Variants in ZNF662 observed in about 807,000 individuals in gnomAD.
ZNF662 encodes zinc finger protein 662.
Under a neutral mutation model 12.4 loss-of-function variants are expected in ZNF662, and 14 were observed. That is an observed-to-expected ratio of 1.13 (90% confidence interval 0.75 to 1.77). ZNF662 has a LOEUF of 1.77. ZNF662 is among the 40% of genes most tolerant of loss of function. The probability of loss-of-function intolerance (pLI) is 0.00; values close to 1 mark genes in which losing one functional copy is unlikely to be tolerated. For synonymous variants in ZNF662, 184 were observed against 176.4 expected, an observed-to-expected ratio of 1.04 and a Z score of -0.34; for missense variants, 550 against 515.6, an observed-to-expected ratio of 1.07 and a Z score of -0.65.
In ZNF662 at chr3:42,918,298, A is replaced by G. The variant is rs1234947188; in HGVS notation, c.*2944A>G. Among the ~76,000 whole-genome samples the G allele has an allele frequency of 6.6e-6, 1 of 152,200 alleles. No individual in the cohort carries two copies. The highest frequency in any genetic ancestry group is 1.5e-5 in the Non-Finnish European group (1 of 68,038). ...CACATTGAAAAGTGAGGAGGGCAGA[A>G]TTTATTAAGTGAAAAGGAAAACTCT... On this transcript the variant is annotated 3_prime_UTR_variant, in exon 5 of 5. Transcript: ENST00000440367.
Position 42,913,250 on chromosome 3 carries a change from A to G in ZNF662, c.201A>G (p.Glu67=). The change falls in exon 4 of 5, where the codon GAA becomes GAG. Residue 67 remains glutamate (E), a synonymous_variant. Transcript: ENST00000440367. ...GGATTTCCCATCCTGAGCAGGTGGA[A>G]GAGCCATTAAACCTGAAACTGCAAG... ...PAGISHPEQV[E]EPLNLKLQGE... 1 of 1,614,102 alleles carries G rather than the reference A, an allele frequency of 6.2e-7. No homozygotes were observed. The highest frequency in any genetic ancestry group is 8.5e-7 in the Non-Finnish European group (1 of 1,179,956).
At chr3:42,913,400 A>G (rs2088855512) in intron 4 of ZNF662, 98 bp downstream of exon 4, 1 of 954,706 alleles carries the variant, frequency 1.0e-6, no homozygotes. Flanking sequence ...CATGTTCTAA[A>G]CAAATATGGG....
At position 42,914,624 on chromosome 3, in the gene ZNF662, A is replaced by G. The variant is rs967603364; in HGVS notation, c.551A>G (p.Lys184Arg). 2 of 1,614,104 alleles carry G rather than the reference A, an allele frequency of 1.2e-6. No homozygotes were observed. The highest frequency in any genetic ancestry group is 1.7e-6 in the Non-Finnish European group (2 of 1,180,050). Residue 184 changes from lysine to arginine, a missense_variant, in exon 5 of 5, where the codon AAA (lysine) becomes AGA (arginine). Transcript: ENST00000440367. ...DVNNLLGIHH[K>R]ILNEQIFYIC... ...AATAACCTCCTTGGTATACATCACAAAATTCTAAATGAGCAAATATTCTAT... is the reference window on the plus strand; with the variant it reads ...AATAACCTCCTTGGTATACATCACAGAATTCTAAATGAGCAAATATTCTAT...
chr3:42,912,682 AAT>A (rs1244898051), intron 3 of ZNF662, among the ~76,000 whole-genome samples: 2 of 20,068 alleles, frequency 1.0e-4, no homozygotes, highest in African/African-American at 2.2e-4. Flanking sequence ...TATATATATA[AAT>A]ATATATATAT....
At chr3:42,909,859 A>G (rs2088753964) in intron 3 of ZNF662, among the ~76,000 whole-genome samples, 1 of 148,984 alleles carries the variant, frequency 6.7e-6, no homozygotes. Flanking sequence ...GGCGCTCTTC[A>G]CATCTCAGAT....
intron 3 of ZNF662, among the ~76,000 whole-genome samples, chr3:42,912,584 TAA>T (rs36145539): frequency 1.1e-5 from 1 of 91,228 alleles, no homozygotes; most frequent in Non-Finnish European, 1.9e-5. Flanking sequence ...ATTTTATATA[TAA>T]ATATATTTAT....
In ZNF662 at chr3:42,906,283, C is replaced by T. The variant is rs2088676848; in HGVS notation, c.-94+115C>T. The T allele has an allele frequency of 5.5e-6, 8 of 1,449,578 alleles. No individual in the cohort carries two copies. In the East Asian group the frequency reaches 1.3e-4, roughly 24 times the overall value. 89.8% of individuals were successfully genotyped at this position (1,449,578 alleles called of 1,614,324 possible). On this transcript the variant is annotated intron_variant, in intron 1 of 4. Coordinates refer to ENST00000440367, the MANE Select transcript of ZNF662 (RefSeq NM_207404.4). This position sits in a 1 kb window ranked among gnomAD's most constrained non-coding sequence, Gnocchi z 4.4. ...CAGGCCTGCCCAGGTGCAGAGCGCT[C>T]TTCCGCGACCCCAACAGCCTCTGGT...
chr3:42,914,816 A>C lies in ZNF662; in HGVS notation c.743A>C (p.Tyr248Ser). The C allele has an allele frequency of 6.2e-7, 1 of 1,614,152 alleles. No individual in the cohort carries two copies. Residue 248 changes from tyrosine to serine, a missense_variant, in exon 5 of 5, where the codon TAT (tyrosine) becomes TCT (serine). Tyr to Ser is a moderately radical substitution (Grantham distance 144). Transcript: ENST00000440367. ...HQRIHSGVKPYECQECAKAFV... is the reference protein window; with the variant it reads ...HQRIHSGVKPSECQECAKAFV... The stretch of plus-strand genomic sequence containing the variant: ...AGAATTCACAGTGGGGTGAAACCCT[A>C]TGAATGTCAAGAATGTGCTAAGGCC...
rs2088884187 is a variant in ZNF662 at position 42,915,153 on chromosome 3, T to C, written c.1080T>C (p.His360=). ...HQRVHTGDKP[H]ECTDCGKSFF... ...GGGTCCACACTGGGGACAAGCCTCA[T>C]GAATGTACTGACTGTGGGAAAAGCT... is the stretch of plus-strand genomic sequence containing the variant. Residue 360 remains histidine, a synonymous_variant, in exon 5 of 5, where the codon CAT becomes CAC. Coordinates refer to ENST00000440367, the MANE Select transcript of ZNF662 (RefSeq NM_207404.4). 3 of 1,614,102 alleles carry C rather than the reference T, an allele frequency of 1.9e-6. No homozygotes were observed. The highest frequency in any genetic ancestry group is 2.7e-5 in the African/African-American group (2 of 74,930).
rs2088681617 is a variant in ZNF662, at chr3:42,906,539, C to T, written c.-94+371C>T. 1.8e-6 allele frequency: 2 copies of T among 1,111,878 alleles called. No homozygotes were observed. The highest frequency in any genetic ancestry group is 1.8e-5 in the South Asian group (1 of 55,328). 68.9% of individuals were successfully genotyped at this position (1,111,878 alleles called of 1,614,324 possible). A position where few individuals can be genotyped will look rare whatever the true frequency, so the allele number is the denominator to read the frequency against. The stretch of plus-strand genomic sequence containing the variant: ...CGGCGGCTGGGAAATGGGGGTACAA[C>T]CCAGAGTGAGGGGCCTCGAGGGACA... On this transcript the variant is annotated intron_variant, in intron 1 of 4. Transcript: ENST00000440367. This position sits in a 1 kb window ranked among gnomAD's most constrained non-coding sequence, Gnocchi z 4.4.
At chr3:42,908,619 T>G in intron 2 of ZNF662, 174 bp from the exon 3 acceptor site, 2 of 1,454,748 alleles carry the variant, frequency 1.4e-6, no homozygotes, top group South Asian at 2.9e-5. Flanking sequence ...TTCCTGACCT[T>G]TGTAAGTCTC....
chr3:42,914,800 A>G lies in ZNF662; in HGVS notation c.727A>G (p.Ser243Gly). Residue 243 changes from serine (S) to glycine (G), a missense_variant, in exon 5 of 5, where the codon AGT becomes GGT. Transcript: ENST00000440367. ...SHCIAHQRIH[S>G]GVKPYECQEC... is the part of the protein sequence containing the mutation. ...TTGCATTGCACATCAGAGAATTCACAGTGGGGTGAAACCCTATGAATGTCA... is the reference window on the plus strand; with the variant it reads ...TTGCATTGCACATCAGAGAATTCACGGTGGGGTGAAACCCTATGAATGTCA... 6.2e-7 allele frequency: 1 copy of G among 1,614,080 alleles called. No homozygotes were observed. Among genetic ancestry groups the G allele is most frequent in the Non-Finnish European group, 8.5e-7 (1 of 1,179,970 alleles).
In ZNF662 at chr3:42,912,726, T is replaced by TATATATATAAATATATATATATTTTTTTA. The variant is rs2088842736; in HGVS notation, c.152-453_152-452insTTTTTTAATATATATAAATATATATATAT. Among the ~76,000 whole-genome samples, 3 of 117,344 alleles carry TATATATATAAATATATATATATTTTTTTA rather than the reference T, an allele frequency of 2.6e-5. No individual in the cohort carries two copies. The South Asian group carries it at 6.9e-4, about 27-fold the overall frequency. 77.0% of individuals were successfully genotyped at this position (117,344 alleles called of 152,430 possible). A position where few individuals can be genotyped will look rare whatever the true frequency, so the allele number is the denominator to read the frequency against. ...TATATAAATATATATATATATTTTTTATATATATAAATATATATATATATA... is the reference window on the plus strand; with the variant it reads ...TATATAAATATATATATATATTTTTTATATATATAAATATATATATATTTTTTTAATATATATAAATATATATATATATA... On this transcript the variant is annotated intron_variant, in intron 3 of 4. Coordinates refer to ENST00000440367, the MANE Select transcript of ZNF662 (RefSeq NM_207404.4).
chr3:42,914,221 C>A, intron 4 of ZNF662, 106 bp from the exon 5 acceptor site: 1 of 1,007,878 alleles, frequency 9.9e-7, no homozygotes, highest in Non-Finnish European at 1.5e-6. Flanking sequence ...GCCACTGAGA[C>A]ATGGGTGGCA....
At position 42,914,916 on chromosome 3, in the gene ZNF662, T is replaced by C. The variant is rs1301864771; in HGVS notation, c.843T>C (p.Cys281=). 2 of 1,614,062 alleles carry C rather than the reference T, an allele frequency of 1.2e-6. No individual in the cohort carries two copies. The highest frequency in any genetic ancestry group is 2.7e-5 in the African/African-American group (2 of 74,928). The change falls in exon 5 of 5, where the codon TGT becomes TGC. Residue 281 remains cysteine (C), a synonymous_variant. Coordinates refer to ENST00000440367, the MANE Select transcript of ZNF662 (RefSeq NM_207404.4). The stretch of plus-strand genomic sequence containing the variant: ...AGAAACCCTTTGAATGTAAGGAATG[T>C]GGGAAGGGCTTTAGTCAGAACACAA... The part of the protein sequence containing the change: ...TGEKPFECKE[C]GKGFSQNTSL...
At chr3:42,908,760 C>G (rs751712813) in intron 2 of ZNF662, 33 bp from the exon 3 acceptor site, 1 of 1,603,122 alleles carries the variant, frequency 6.2e-7, no homozygotes, top group Non-Finnish European at 8.5e-7. Flanking sequence ...TGCCATGCCA[C>G]TCACCTGCCT....
In ZNF662 at chr3:42,918,614, C is replaced by A. The variant is rs933783186; in HGVS notation, c.*3260C>A. On this transcript the variant is annotated 3_prime_UTR_variant, in exon 5 of 5. Transcript: ENST00000440367. Reference sequence around the variant, plus strand: ...TGTCTCCTGATTCTATCATTCCCCCCTCTAAAGAAGTACATCTAACTTAGA... The same window carrying A: ...TGTCTCCTGATTCTATCATTCCCCCATCTAAAGAAGTACATCTAACTTAGA... 2.7e-5 allele frequency among the ~76,000 whole-genome samples: 4 copies of A among 146,288 alleles called. No individual in the cohort carries two copies. In the Admixed American group the frequency reaches 2.9e-4, roughly 10 times the overall value.
chr3:42,912,159 A>G (rs2088801568), intron 3 of ZNF662: 1 of 88,218 alleles, frequency 1.1e-5, no homozygotes, highest in Admixed American at 1.8e-4. Context: ...ATATATAAAA[A>G]TATAAAAATA....
At chr3:42,910,439 C>T (rs2088770415) in intron 3 of ZNF662, among the ~76,000 whole-genome samples, 1 of 152,196 alleles carries the variant, frequency 6.6e-6, no homozygotes, top group Middle Eastern at 3.2e-3. Context: ...GTGCCATCTT[C>T]ATTAACCTGT....
Sources: allele counts gnomAD v4.1 joint callset (sites outside exome capture counted in the v4.1 genomes callset), GRCh38; gene constraint gnomAD v4.1.1; non-coding constraint Gnocchi (gnomAD v3.1); transcripts MANE v1.5; gene names NCBI Gene and HGNC (gene_info 2026-07-23, HGNC 2026-07-21).